VWA8: variants seen among roughly 807,000 people sequenced by gnomAD.
The protein encoded by VWA8 is von Willebrand factor A domain-containing protein 8.
A neutral mutation model predicts 241.5 loss-of-function variants in VWA8; 221 were observed. The ratio of observed to expected loss-of-function variants is 0.91; its 90% confidence interval spans 0.82 to 1.02. The LOEUF (loss-of-function observed/expected upper bound fraction) is 1.02. Ranked by LOEUF, VWA8 falls within the 50% of genes least tolerant of loss-of-function variation. The pLI is 0.00. For missense variants in VWA8, 2,322 were observed against 2,328.7 expected (o/e 1.00, Z 0.06); for synonymous variants, 852 against 827.1 (o/e 1.03, Z -0.52).
intron 21 of VWA8, among the ~76,000 whole-genome samples, chr13:41,740,508 A>G (rs978247745): frequency 3.9e-5 from 6 of 152,160 alleles, no homozygotes; most frequent in African/African-American, 1.4e-4. Context: ...ATCCGCATGC[A>G]TTTTTCTGTT....
chr13:41,756,182 T>A (rs182283066), intron 21 of VWA8, among the ~76,000 whole-genome samples: 2 of 151,852 alleles, frequency 1.3e-5, no homozygotes, highest in African/African-American at 4.8e-5. Flanking sequence ...TTTACGCCAA[T>A]AATTAGAGGG....
At chr13:41,875,797 A>G (rs1873870145) in intron 9 of VWA8, among the ~76,000 whole-genome samples, 1 of 152,022 alleles carries the variant, frequency 6.6e-6, no homozygotes, top group Non-Finnish European at 1.5e-5. Context: ...GACTTTACAA[A>G]CCATCATGAC....
At chr13:41,637,092 G>A (rs1405198156) in intron 37 of VWA8, among the ~76,000 whole-genome samples, 1 of 151,134 alleles carries the variant, frequency 6.6e-6, no homozygotes, top group East Asian at 1.9e-4. Flanking sequence ...TATAAATCAT[G>A]CTGCTATAAA....
At chr13:41,722,090 T>C (rs564901787) in intron 24 of VWA8, among the ~76,000 whole-genome samples, 2 of 152,302 alleles carry the variant, frequency 1.3e-5, no homozygotes, top group African/African-American at 4.8e-5. Context: ...AAAAATTATA[T>C]ACATCTATCT....
At chr13:41,588,097 C>T (rs1317936955) in intron 41 of VWA8, among the ~76,000 whole-genome samples, 3 of 152,102 alleles carry the variant, frequency 2.0e-5, no homozygotes, top group Admixed American at 6.5e-5. Context: ...TTTACTTGTA[C>T]GTATTGGGTA....
chr13:41,725,742 A>T (rs1439064419), intron 24 of VWA8, among the ~76,000 whole-genome samples: 1 of 152,174 alleles, frequency 6.6e-6, no homozygotes, highest in Non-Finnish European at 1.5e-5. Flanking sequence ...TGTGATAAGG[A>T]GTGGCTTGGG....
At chr13:41,784,743 T>TATATATATATATACACAC (rs1555335151) in intron 18 of VWA8, among the ~76,000 whole-genome samples, 1 of 94,980 alleles carries the variant, frequency 1.1e-5, no homozygotes, top group Non-Finnish European at 2.2e-5. Flanking sequence ...CACACATATA[T>TATATATATATATACACAC]ATATATATAT....
rs1470059117 is a variant in VWA8, at chr13:41,784,755, TATATATAC to T, written c.2171-862_2171-855del. ...ACACACACATATATATATATATATATATATATACACACACACACACTAAAACATAACAA... is the reference window on the plus strand; with the variant it reads ...ACACACACATATATATATATATATATACACACACACACTAAAACATAACAA... On this transcript the variant is annotated intron_variant, in intron 18 of 44. Coordinates refer to ENST00000379310, the MANE Select transcript of VWA8 (RefSeq NM_015058.2). 2.3e-3 allele frequency among the ~76,000 whole-genome samples: 275 copies of T among 117,040 alleles called. 29 individuals are homozygous for T. The highest frequency in any genetic ancestry group is 4.9e-3 in the South Asian group (16 of 3,276). The allele number at this position is 117,040 out of a possible 152,430, so 76.8% of individuals were successfully genotyped here.
intron 9 of VWA8, among the ~76,000 whole-genome samples, chr13:41,879,357 CCTCT>C (rs989550169): frequency 1.4e-5 from 2 of 144,960 alleles, no homozygotes; most frequent in Admixed American, 7.2e-5. Context: ...TCCTACTCTT[CCTCT>C]CTCTCTCATA....
intron 1 of VWA8, 112 bp downstream of exon 1, chr13:41,960,741 C>T (rs1004093307): frequency 1.0e-5 from 14 of 1,370,334 alleles, no homozygotes; most frequent in Non-Finnish European, 1.2e-5. Flanking sequence ...CCCCGCTCGG[C>T]AAACGGTCCT....
chr13:41,909,745 G>A (rs528712558), intron 3 of VWA8, among the ~76,000 whole-genome samples: 1 of 152,264 alleles, frequency 6.6e-6, no homozygotes, highest in Non-Finnish European at 1.5e-5. Context: ...GTCTCCCCAG[G>A]TGCTGATTCA....
chr13:41,908,989 T>C (rs1186767020), intron 3 of VWA8, among the ~76,000 whole-genome samples: 1 of 152,206 alleles, frequency 6.6e-6, no homozygotes, highest in African/African-American at 2.4e-5. Context: ...TTGTTGTAAT[T>C]TAGGTCTCCT....
intron 40 of VWA8, among the ~76,000 whole-genome samples, chr13:41,591,377 G>T (rs567876677): frequency 6.6e-6 from 1 of 151,866 alleles, no homozygotes; most frequent in African/African-American, 2.4e-5. Context: ...CTAATTTTAC[G>T]GCAGTAAAAT....
chr13:41,938,503 T>C (rs61963123), intron 2 of VWA8, among the ~76,000 whole-genome samples: 29,105 of 151,782 alleles, frequency 0.19, 3,569 homozygotes, highest in East Asian at 0.37. Flanking sequence ...ATACAAAAAT[T>C]AGCCAGGCGT....
intron 32 of VWA8, among the ~76,000 whole-genome samples, chr13:41,691,039 T>C (rs1240403959): frequency 6.6e-6 from 1 of 152,130 alleles, no homozygotes; most frequent in East Asian, 1.9e-4. Context: ...AAGAATACAG[T>C]GAATTCTCAA....
intron 9 of VWA8, among the ~76,000 whole-genome samples, chr13:41,875,476 T>C (rs1279563374): frequency 6.6e-6 from 1 of 152,078 alleles, no homozygotes; most frequent in African/African-American, 2.4e-5. Flanking sequence ...TTGTTCACCA[T>C]CAAACTTCAT....
chr13:41,896,600 T>G (rs762014312), intron 4 of VWA8, among the ~76,000 whole-genome samples: 18 of 152,126 alleles, frequency 1.2e-4, no homozygotes, highest in Non-Finnish European at 1.6e-4. Context: ...AATTGAATTT[T>G]TATAGATTAT....
intron 17 of VWA8, among the ~76,000 whole-genome samples, chr13:41,795,114 C>T (rs1333246950): frequency 1.3e-5 from 2 of 151,610 alleles, no homozygotes; most frequent in East Asian, 1.9e-4. Context: ...AGAAAAAAAC[C>T]CACCCCATTA....
intron 18 of VWA8, 28 bp downstream of exon 18, chr13:41,787,409 A>T: frequency 2.7e-6 from 4 of 1,464,598 alleles, no homozygotes; most frequent in South Asian, 1.2e-5. Context: ...TATTTCACTT[A>T]AAAAAAAGAG....
Sources: gnomAD v4.1 joint callset for allele counts (sites outside exome capture counted in the v4.1 genomes callset) on GRCh38, gnomAD v4.1.1 for gene constraint, MANE v1.5 for transcripts, NCBI Gene and HGNC (gene_info 2026-07-23, HGNC 2026-07-21) for gene names.